CAND2: variants seen among roughly 807,000 people sequenced by gnomAD.
CAND2 encodes the protein cullin associated and neddylation dissociated 2 (putative).
Under a neutral mutation model 98.9 loss-of-function variants are expected in CAND2, and 62 were observed. That is an observed-to-expected ratio of 0.63 (90% CI 0.51 to 0.77). CAND2 has a LOEUF of 0.77. Among genes scored for constraint, CAND2 ranks in the 30% least tolerant of loss-of-function variants. The pLI, the probability that CAND2 is intolerant of heterozygous loss-of-function variation, is 0.00. For synonymous variants in CAND2, 770 were observed against 731.9 expected (o/e 1.05, Z -0.84); for missense variants, 1,501 against 1,655.2 (o/e 0.91, Z 1.62).
Position 12,815,924 on chromosome 3 carries a change from C to T in CAND2, c.1357C>T (p.Arg453Cys), listed in dbSNP as rs748612767. The T allele has an allele frequency of 6.2e-6, 10 of 1,613,602 alleles. No individual in the cohort carries two copies. Among genetic ancestry groups the T allele is most frequent in the South Asian group, 4.4e-5 (4 of 91,074 alleles). The change falls in exon 9 of 15, where the codon CGC becomes TGC. Residue 453 changes from arginine (R) to cysteine (C), a missense_variant. By Grantham distance (180) the Arg-to-Cys change is radical. Transcript: ENST00000456430. The surrounding 1 kb of genome is among the most constrained non-coding windows in gnomAD (Gnocchi z 5.7). The part of the protein sequence containing the change: ...RQLKDRSVRA[R>C]QGCFSLLTEL... ...GCTTAAAGATCGGAGCGTCAGAGCC[C>T]GCCAGGGATGCTTCAGCCTCCTCAC...
intron 11 of CAND2, among the ~76,000 whole-genome samples, chr3:12,823,494 C>T (rs962979265): frequency 2.0e-5 from 3 of 151,694 alleles, no homozygotes; most frequent in Admixed American, 6.6e-5. Context: ...TTTGGGAGGC[C>T]GAGGCGGGCG....
In CAND2 at chr3:12,823,120, G is replaced by A. The variant is rs1451424166; in HGVS notation, c.3041-2350G>A. The stretch of plus-strand genomic sequence containing the variant: ...TTCTTAATCCTGAAATACACAGAAA[G>A]TAGTCTGAGAATTGCTGACTCTTAT... On this transcript the variant is annotated intron_variant, in intron 11 of 14. Transcript: ENST00000456430. Among the ~76,000 whole-genome samples the A allele has an allele frequency of 4.6e-5, 7 of 152,182 alleles. No individual in the cohort carries two copies. The East Asian group carries it at 1.2e-3, about 25-fold the overall frequency.
At chr3:12,814,773 A>T (rs1176698958) in intron 7 of CAND2, among the ~76,000 whole-genome samples, 1 of 152,148 alleles carries the variant, frequency 6.6e-6, no homozygotes, top group African/African-American at 2.4e-5. Context: ...AGTCCAGACA[A>T]TTAAGGGTCT....
intron 5 of CAND2, among the ~76,000 whole-genome samples, chr3:12,812,623 C>T (rs2061862448): frequency 6.6e-6 from 1 of 152,104 alleles, no homozygotes; most frequent in South Asian, 2.1e-4. Flanking sequence ...CCAGGATAGT[C>T]TCGATCTCCT....
intron 13 of CAND2, 59 bp downstream of exon 13, chr3:12,827,663 C>T (rs2062015550): frequency 6.8e-7 from 1 of 1,467,908 alleles, no homozygotes; most frequent in Non-Finnish European, 9.2e-7. Flanking sequence ...AGTCGGGCAC[C>T]ATTGGGGCCA....
chr3:12,819,433 A>G (rs1307403055), intron 10 of CAND2, among the ~76,000 whole-genome samples: 1 of 152,220 alleles, frequency 6.6e-6, no homozygotes, highest in East Asian at 1.9e-4. Context: ...GCGTCCACCC[A>G]TTCGTTTCCT....
chr3:12,818,312 T>C (rs1017152808), intron 10 of CAND2, among the ~76,000 whole-genome samples: 16 of 152,012 alleles, frequency 1.1e-4, no homozygotes, highest in Non-Finnish European at 2.4e-4. Flanking sequence ...TCATAATCCT[T>C]GATGTGGACA....
rs906385249 is a variant in CAND2, at chr3:12,823,300, AG to A, written c.3041-2165del. ...ACAGTTTTTGTTGGTTTGTTTTTGC[AG>A]GGGGTGGGTATGGGTACGGTGGTTC... On this transcript the variant is annotated intron_variant, in intron 11 of 14. Transcript: ENST00000456430. Among the ~76,000 whole-genome samples the A allele has an allele frequency of 2.1e-4, 18 of 85,714 alleles. 1 individual carries two copies. The highest frequency in any genetic ancestry group is 1.1e-3 in the Admixed American group (10 of 8,758). 56.2% of individuals were successfully genotyped at this position (85,714 alleles called of 152,430 possible).
In CAND2 at chr3:12,820,114, C is replaced by G. The variant is rs934785987; in HGVS notation, c.2973C>G (p.Ile991Met). 6.2e-7 allele frequency: 1 copy of G among 1,614,068 alleles called. No homozygotes were observed. Among genetic ancestry groups the G allele is most frequent in the African/African-American group, 1.3e-5 (1 of 74,924 alleles). ...AGRPHTRSTV[I>M]TAVKFLISDQ... ...GGCCACACACCCGGAGCACCGTCATCACAGCGGTCAAGTTCCTTATCTCGG... is the reference window on the plus strand; with the variant it reads ...GGCCACACACCCGGAGCACCGTCATGACAGCGGTCAAGTTCCTTATCTCGG... Residue 991 changes from isoleucine to methionine, a missense_variant, in exon 11 of 15, where the codon ATC (isoleucine) becomes ATG (methionine). Ile to Met is a conservative substitution (Grantham distance 10). This residue lies in a region of CAND2 where 1,427 missense variants were observed against 1,545.3 expected (regional missense o/e 0.92). Transcript: ENST00000456430.
At position 12,815,165 on chromosome 3, in the gene CAND2, A is replaced by G. The variant is rs147325718; in HGVS notation, c.1031A>G (p.Asp344Gly). The G allele has an allele frequency of 1.9e-6, 3 of 1,612,164 alleles. No individual in the cohort carries two copies. Among genetic ancestry groups the G allele is most frequent in the Non-Finnish European group, 2.5e-6 (3 of 1,178,652 alleles). The change falls in exon 8 of 15, where the codon GAC becomes GGC. Residue 344 changes from aspartate (D) to glycine (G), a missense_variant. By Grantham distance (94) the Asp-to-Gly change is moderately conservative. Coordinates refer to ENST00000456430, the MANE Select transcript of CAND2 (RefSeq NM_001162499.2). This position sits in a 1 kb window ranked among gnomAD's most constrained non-coding sequence, Gnocchi z 5.7. ...GAGAGTGAAGACGAGTACAGCGATG[A>G]CGATGACATGAGCTGGAAGGTGCGC... is the stretch of plus-strand genomic sequence containing the variant. The part of the protein sequence containing the change: ...EQESEDEYSD[D>G]DDMSWKVRRA...
chr3:12,802,570 C>T (rs990280596), intron 1 of CAND2, among the ~76,000 whole-genome samples: 7 of 152,166 alleles, frequency 4.6e-5, no homozygotes, highest in African/African-American at 1.4e-4. Flanking sequence ...CGGGGGCCAC[C>T]GATCCTGAAA....
In CAND2 at chr3:12,796,699, G is replaced by C. The variant is rs771514050; in HGVS notation, c.-22G>C. 1.3e-6 allele frequency: 2 copies of C among 1,564,606 alleles called. No individual in the cohort carries two copies. The highest frequency in any genetic ancestry group is 1.7e-6 in the Non-Finnish European group (2 of 1,155,304). Reference sequence around the variant, plus strand: ...GCCGCCATATTCCCTCCCGCCGGCCGGCTCCGCGGCGCGCAGCCACCATGA... The same window carrying C: ...GCCGCCATATTCCCTCCCGCCGGCCCGCTCCGCGGCGCGCAGCCACCATGA... On this transcript the variant is annotated 5_prime_UTR_variant, in exon 1 of 15. Coordinates refer to ENST00000456430, the MANE Select transcript of CAND2 (RefSeq NM_001162499.2).
intron 11 of CAND2, 57 bp from the exon 12 acceptor site, chr3:12,825,413 G>T: frequency 6.7e-7 from 1 of 1,496,790 alleles, no homozygotes; most frequent in Non-Finnish European, 9.0e-7. Context: ...GGTGGTGAGG[G>T]AGGTGACTTT....
chr3:12,808,392 T>A, intron 4 of CAND2, 59 bp downstream of exon 4: 2 of 1,536,162 alleles, frequency 1.3e-6, no homozygotes, highest in Non-Finnish European at 1.8e-6. Flanking sequence ...AGGGAGGGAC[T>A]CAAATCACAG....
intron 7 of CAND2, among the ~76,000 whole-genome samples, chr3:12,813,840 C>G (rs945805718): frequency 6.6e-6 from 1 of 152,176 alleles, no homozygotes; most frequent in Non-Finnish European, 1.5e-5. Context: ...CAGGCACTGG[C>G]AGGGGAGCAA....
intron 11 of CAND2, among the ~76,000 whole-genome samples, chr3:12,824,901 CTG>C (rs1305069885): frequency 1.3e-5 from 2 of 152,246 alleles, no homozygotes; most frequent in South Asian, 2.1e-4. Flanking sequence ...GAGTGAGACT[CTG>C]TCTCAACAAC....
chr3:12,826,340 C>T (rs2061998736), intron 12 of CAND2, among the ~76,000 whole-genome samples: 1 of 152,170 alleles, frequency 6.6e-6, no homozygotes, highest in Admixed American at 6.5e-5. Flanking sequence ...GCATTGAGGC[C>T]CTTTAAGCTG....
Position 12,816,382 on chromosome 3 carries a change from T to A in CAND2, c.1450T>A (p.Phe484Ile), listed in dbSNP as rs1412224481. The A allele has an allele frequency of 4.3e-6, 7 of 1,610,568 alleles. No homozygotes were observed. Among genetic ancestry groups the A allele is most frequent in the Non-Finnish European group, 5.1e-6 (6 of 1,178,356 alleles). ...TTGCATTCACCCTGCAGGCATCATCTTCTCGCTGGCCGACCGCTCCAGCTC... is the reference window on the plus strand; with the variant it reads ...TTGCATTCACCCTGCAGGCATCATCATCTCGCTGGCCGACCGCTCCAGCTC... Reference protein sequence around the residue: ...HMPVLVSGIIFSLADRSSSST... With the variant: ...HMPVLVSGIIISLADRSSSST... The change falls in exon 10 of 15, where the codon TTC (phenylalanine) becomes ATC (isoleucine). Residue 484 changes from phenylalanine (F) to isoleucine (I), a missense_variant. Around this residue, in one of 3 missense-constraint regions of CAND2, gnomAD observed 1,427 missense variants for 1,545.3 expected, o/e 0.92. Transcript: ENST00000456430.
At chr3:12,813,963 A>G (rs529117203) in intron 7 of CAND2, among the ~76,000 whole-genome samples, 1 of 152,336 alleles carries the variant, frequency 6.6e-6, no homozygotes, top group South Asian at 2.1e-4. Flanking sequence ...AAGGCAGGGC[A>G]TCGATGGAGA....
Sources: allele counts gnomAD v4.1 joint callset (sites outside exome capture counted in the v4.1 genomes callset), GRCh38; gene constraint gnomAD v4.1.1; regional missense constraint gnomAD v4.1.1; non-coding constraint Gnocchi (gnomAD v3.1); transcripts MANE v1.5; gene names NCBI Gene and HGNC (gene_info 2026-07-23, HGNC 2026-07-21).